KALRN: variants seen among roughly 807,000 people sequenced by gnomAD.
KALRN encodes the protein kalirin.
In KALRN, 70 loss-of-function variants were observed where a neutral mutation model predicts 353.7. That is an observed-to-expected ratio of 0.20 (90% CI 0.16 to 0.24). The LOEUF (loss-of-function observed/expected upper bound fraction) is 0.24. Among genes scored for constraint, KALRN ranks in the 10% least tolerant of loss-of-function variants. The pLI, the probability that KALRN is intolerant of heterozygous loss-of-function variation, is 1.00. For synonymous variants in KALRN, 1,391 were observed against 1,434.8 expected (o/e 0.97, Z 0.69); for missense variants, 2,791 against 3,756.7 (o/e 0.74, Z 6.72).
intron 1 of KALRN, among the ~76,000 whole-genome samples, chr3:124,147,115 A>G (rs909689814): frequency 6.6e-6 from 1 of 152,136 alleles, no homozygotes; most frequent in Non-Finnish European, 1.5e-5. Flanking sequence ...AAGAGCAAGT[A>G]AGGTCCCCAG....
chr3:124,684,457 A>G (rs1441360343), intron 51 of KALRN, among the ~76,000 whole-genome samples: 3 of 152,200 alleles, frequency 2.0e-5, no homozygotes, highest in African/African-American at 7.2e-5. Flanking sequence ...AACAAAAACC[A>G]CAAAGGCAGT....
At chr3:124,259,144 G>A (rs1224739349) in intron 3 of KALRN, among the ~76,000 whole-genome samples, 1 of 152,214 alleles carries the variant, frequency 6.6e-6, no homozygotes, top group Non-Finnish European at 1.5e-5. Flanking sequence ...TCTAGCTGGA[G>A]CCTTCTGGGG....
At chr3:124,447,830 A>G (rs577628520) in intron 21 of KALRN, among the ~76,000 whole-genome samples, 1 of 152,282 alleles carries the variant, frequency 6.6e-6, no homozygotes, top group Admixed American at 6.5e-5. Context: ...AATATTGGGG[A>G]GCCTCTCCCT....
At chr3:124,638,530 C>A (rs893165000) in intron 37 of KALRN, among the ~76,000 whole-genome samples, 1 of 152,224 alleles carries the variant, frequency 6.6e-6, no homozygotes, top group South Asian at 2.1e-4. Context: ...TATATACCCT[C>A]TTCATTCTAC....
chr3:124,703,863 T>C (rs940135445), intron 57 of KALRN, among the ~76,000 whole-genome samples: 1 of 151,914 alleles, frequency 6.6e-6, no homozygotes, highest in African/African-American at 2.4e-5. Flanking sequence ...GAGATGGAGT[T>C]CTCACTATGT....
chr3:124,147,941 T>C (rs936753983), intron 1 of KALRN, among the ~76,000 whole-genome samples: 1 of 152,226 alleles, frequency 6.6e-6, no homozygotes, highest in Non-Finnish European at 1.5e-5. Context: ...GCGTAAAACC[T>C]GTGTACACAC....
At chr3:124,491,509 C>T in intron 31 of KALRN, 85 bp downstream of exon 31, 1 of 960,174 alleles carries the variant, frequency 1.0e-6, no homozygotes, top group Non-Finnish European at 1.5e-6. Context: ...AAGCTAAGGC[C>T]CAGAGACTCT....
intron 3 of KALRN, among the ~76,000 whole-genome samples, chr3:124,237,775 T>C (rs2079966280): frequency 6.6e-6 from 1 of 152,168 alleles, no homozygotes; most frequent in African/African-American, 2.4e-5. Context: ...ACACACATTT[T>C]GAGAAATTTA....
At chr3:124,679,716 A>AT (rs201927677) in intron 51 of KALRN, 199 bp downstream of exon 51, 8 of 653,062 alleles carry the variant, frequency 1.2e-5, no homozygotes, top group East Asian at 2.8e-5. Context: ...CTCTACCTAG[A>AT]TTTTTTTAAA....
At chr3:124,413,825 G>T (rs1210941751) in intron 14 of KALRN, among the ~76,000 whole-genome samples, 160 bp downstream of exon 14, 2 of 152,190 alleles carry the variant, frequency 1.3e-5, no homozygotes, top group South Asian at 2.1e-4. Flanking sequence ...AGGAAACGAG[G>T]CCAGGTGTGG....
intron 25 of KALRN, among the ~76,000 whole-genome samples, chr3:124,470,708 G>GA (rs1269909469): frequency 3.3e-5 from 5 of 152,210 alleles, no homozygotes; most frequent in Non-Finnish European, 7.3e-5. Flanking sequence ...CATTTGCTCA[G>GA]ATAGTAACCC....
chr3:124,478,975 T>A (rs1172379219), intron 27 of KALRN, among the ~76,000 whole-genome samples: 1 of 152,266 alleles, frequency 6.6e-6, no homozygotes, highest in Admixed American at 6.5e-5. Flanking sequence ...GGTCACATGC[T>A]GCTTCCTGCA....
intron 1 of KALRN, among the ~76,000 whole-genome samples, chr3:124,217,416 G>A (rs1028575543): frequency 6.6e-6 from 1 of 152,132 alleles, no homozygotes; most frequent in Admixed American, 6.5e-5. Flanking sequence ...TTGTATCAGG[G>A]GACATATAGG....
intron 34 of KALRN, among the ~76,000 whole-genome samples, chr3:124,572,000 G>C (rs549788198): frequency 6.6e-6 from 1 of 151,772 alleles, no homozygotes; most frequent in African/African-American, 2.4e-5. Flanking sequence ...TTTTAATTTG[G>C]GGTGCATGAA....
intron 33 of KALRN, among the ~76,000 whole-genome samples, chr3:124,550,938 G>A (rs959768277): frequency 1.1e-4 from 16 of 152,082 alleles, no homozygotes; most frequent in Admixed American, 2.0e-4. Flanking sequence ...GCAGTGAGCC[G>A]AGATCGCACC....
chr3:124,387,671 T>C lies in KALRN; in HGVS notation c.1962+2635T>C, dbSNP rs55905887. Among the ~76,000 whole-genome samples, 457 of 152,278 alleles carry C rather than the reference T, an allele frequency of 3.0e-3. 5 individuals are homozygous for C. Among genetic ancestry groups the C allele is most frequent in the African/African-American group, 0.011 (442 of 41,548 alleles). Reference sequence around the variant, plus strand: ...ATTCAAACAGGAGGCTATCAGGAAATTGCATAGTCTCTTTCTCCTCAGTCC... The same window carrying C: ...ATTCAAACAGGAGGCTATCAGGAAACTGCATAGTCTCTTTCTCCTCAGTCC... On this transcript the variant is annotated intron_variant, in intron 11 of 59. Coordinates refer to ENST00000682506, the MANE Select transcript of KALRN (RefSeq NM_001388419.1).
At chr3:124,421,010 G>A (rs192051078) in intron 14 of KALRN, among the ~76,000 whole-genome samples, 104 of 152,172 alleles carry the variant, frequency 6.8e-4, no homozygotes, top group African/African-American at 2.4e-3. Flanking sequence ...TTATCTGCTG[G>A]GCTTTTAAGT....
At chr3:124,294,769 A>T (rs937771563) in intron 5 of KALRN, among the ~76,000 whole-genome samples, 1 of 152,152 alleles carries the variant, frequency 6.6e-6, no homozygotes, top group East Asian at 1.9e-4. Context: ...AGTTGTAGCA[A>T]TGAATATATC....
intron 3 of KALRN, among the ~76,000 whole-genome samples, chr3:124,248,810 G>A (rs369373277): frequency 2.6e-5 from 4 of 152,286 alleles, no homozygotes; most frequent in South Asian, 2.1e-4. Flanking sequence ...TGTTCTGTCC[G>A]GAGCTGGAAT....
Sources: allele counts gnomAD v4.1 joint callset (sites outside exome capture counted in the v4.1 genomes callset), GRCh38; gene constraint gnomAD v4.1.1; transcripts MANE v1.5; gene names NCBI Gene and HGNC (gene_info 2026-07-23, HGNC 2026-07-21).